SMC6: variants seen among roughly 807,000 people sequenced by gnomAD.
The protein encoded by SMC6 is structural maintenance of chromosomes 6, also known as structural maintenance of chromosomes protein 6.
A neutral mutation model predicts 142.2 loss-of-function variants in SMC6; 79 were observed. That is an observed-to-expected ratio of 0.56 (90% CI 0.46 to 0.67). The LOEUF is 0.67. Ranked by LOEUF, SMC6 falls within the 30% of genes least tolerant of loss-of-function variation. The pLI, the probability that SMC6 is intolerant of heterozygous loss-of-function variation, is 0.00. For synonymous variants in SMC6, 411 were observed against 412.4 expected (o/e 1.00, Z 0.04); for missense variants, 1,072 against 1,284.0 (o/e 0.83, Z 2.52).
intron 9 of SMC6, among the ~76,000 whole-genome samples, chr2:17,724,033 C>G (rs1339120200): frequency 6.6e-6 from 1 of 152,116 alleles, no homozygotes; most frequent in Non-Finnish European, 1.5e-5. Context: ...TACTGGTATA[C>G]TTTGTATACC....
intron 17 of SMC6, 66 bp from the exon 18 acceptor site, chr2:17,707,445 CAA>C (rs1668562129): frequency 1.0e-6 from 1 of 979,120 alleles, no homozygotes; most frequent in East Asian, 3.0e-5. Flanking sequence ...TACAGAATTT[CAA>C]AATGTTACTC....
At position 17,717,902 on chromosome 2, in the gene SMC6, G is replaced by A. The variant is rs140258949; in HGVS notation, c.1092+175C>T. ...CAGGTGGCCGAGGTGGGAGGATAGC[G>A]TGTGCCCAGGAGATAAGAGGCTACA... is the stretch of plus-strand genomic sequence containing the variant. On this transcript the variant is annotated intron_variant, in intron 12 of 27. Coordinates refer to ENST00000448223, the MANE Select transcript of SMC6 (RefSeq NM_001142286.2). Among the ~76,000 whole-genome samples the A allele has an allele frequency of 1.3e-4, 20 of 149,822 alleles. No homozygotes were observed. The East Asian group carries it at 3.4e-3, about 26-fold the overall frequency.
intron 16 of SMC6, chr2:17,713,469 G>A (rs991508848): frequency 2.1e-6 from 1 of 470,822 alleles, no homozygotes; most frequent in African/African-American, 2.0e-5. Flanking sequence ...AGAAGCACAG[G>A]CTGGGACACA....
intron 4 of SMC6, among the ~76,000 whole-genome samples, chr2:17,741,100 C>T (rs1670449054): frequency 6.6e-6 from 1 of 152,210 alleles, no homozygotes; most frequent in African/African-American, 2.4e-5. Flanking sequence ...CTCCTCCAAA[C>T]CTTAGCTAAT....
chr2:17,727,484 G>A (rs1284696724), intron 7 of SMC6, among the ~76,000 whole-genome samples: 1 of 146,998 alleles, frequency 6.8e-6, no homozygotes, highest in African/African-American at 2.5e-5. Flanking sequence ...GATCATGTGA[G>A]TTAATATTTA....
In SMC6 at chr2:17,745,957, C is replaced by G; in HGVS notation, c.-5-6G>C. On this transcript the variant is annotated splice_region_variant and splice_polypyrimidine_tract_variant and intron_variant, in intron 2 of 27. Coordinates refer to ENST00000448223, the MANE Select transcript of SMC6 (RefSeq NM_001142286.2). ...CTTTCTTTTGGCCATCAGGTCTGAA[C>G]AAATATTTATAGTAACAATGAGGTA... The G allele has an allele frequency of 6.3e-7, 1 of 1,589,164 alleles. No homozygotes were observed. The highest frequency in any genetic ancestry group is 8.6e-7 in the Non-Finnish European group (1 of 1,168,992).
chr2:17,734,477 C>G (rs1558373560), intron 5 of SMC6, among the ~76,000 whole-genome samples: 1 of 151,508 alleles, frequency 6.6e-6, no homozygotes, highest in Non-Finnish European at 1.5e-5. Flanking sequence ...GGAAGGGCGG[C>G]TGGCCTCTGA....
intron 25 of SMC6, among the ~76,000 whole-genome samples, chr2:17,676,889 G>T (rs1207509123): frequency 1.3e-5 from 2 of 152,092 alleles, no homozygotes; most frequent in Admixed American, 1.3e-4. Flanking sequence ...TTTGCATACT[G>T]ATTGTGTCTG....
intron 7 of SMC6, 30 bp from the exon 8 acceptor site, chr2:17,726,499 A>G: frequency 6.4e-7 from 1 of 1,574,052 alleles, no homozygotes; most frequent in Non-Finnish European, 8.7e-7. Context: ...ATTTTTGAAT[A>G]TTTTACTTTA....
intron 8 of SMC6, among the ~76,000 whole-genome samples, chr2:17,725,942 G>A (rs1181138718): frequency 1.3e-5 from 2 of 151,666 alleles, no homozygotes; most frequent in Non-Finnish European, 2.9e-5. Flanking sequence ...ACAAAAATTA[G>A]CTAGACATGC....
At chr2:17,723,383 A>T (rs542449369) in intron 9 of SMC6, among the ~76,000 whole-genome samples, 3 of 152,096 alleles carry the variant, frequency 2.0e-5, no homozygotes, top group Admixed American at 2.0e-4. Flanking sequence ...CTGCCCCCTA[A>T]ATTTTATAAG....
chr2:17,692,047 A>C (rs1358075284), intron 23 of SMC6, among the ~76,000 whole-genome samples: 1 of 152,212 alleles, frequency 6.6e-6, no homozygotes, highest in Non-Finnish European at 1.5e-5. Flanking sequence ...TGCTCAATGA[A>C]ATAAAAGAGG....
chr2:17,698,264 G>T (rs1489727871), intron 21 of SMC6, among the ~76,000 whole-genome samples: 9 of 151,876 alleles, frequency 5.9e-5, no homozygotes, highest in Admixed American at 1.3e-4. Context: ...CACTTTAAAT[G>T]GATAAATTTT....
chr2:17,719,244 A>T (rs775711023), intron 11 of SMC6, among the ~76,000 whole-genome samples: 1 of 152,166 alleles, frequency 6.6e-6, no homozygotes, highest in Non-Finnish European at 1.5e-5. Flanking sequence ...GGTTTTATAT[A>T]AACTAAACAT....
intron 23 of SMC6, among the ~76,000 whole-genome samples, chr2:17,687,741 A>T (rs1667525081): frequency 6.6e-6 from 1 of 152,172 alleles, no homozygotes; most frequent in South Asian, 2.1e-4. Context: ...ATTTCTACAT[A>T]TTCCCCTCAA....
chr2:17,716,566 C>G (rs936894877), intron 14 of SMC6, among the ~76,000 whole-genome samples, 175 bp downstream of exon 14: 5 of 152,162 alleles, frequency 3.3e-5, no homozygotes, highest in Non-Finnish European at 7.4e-5. Flanking sequence ...GCTGTAGGTG[C>G]ACTGCCAATG....
intron 26 of SMC6, among the ~76,000 whole-genome samples, chr2:17,668,402 A>T (rs1228425503): frequency 6.6e-6 from 1 of 152,196 alleles, no homozygotes; most frequent in Non-Finnish European, 1.5e-5. Flanking sequence ...CACACTTACT[A>T]AACGGTCATT....
chr2:17,731,101 T>C lies in SMC6; in HGVS notation c.520A>G (p.Ile174Val). 6.2e-7 allele frequency: 1 copy of C among 1,612,886 alleles called. No individual in the cohort carries two copies. Among genetic ancestry groups the C allele is most frequent in the Non-Finnish European group, 8.5e-7 (1 of 1,179,454 alleles). ...VSTRKEELIA[I>V]LDHFNIQVDN... ...ACCTGGATGTTAAAATGATCAAGAA[T>C]TGCAATCAGCTCTTCTTTCCTCGTG... The change falls in exon 7 of 28, where the codon ATT becomes GTT. Residue 174 changes from isoleucine (I) to valine (V), a missense_variant. Ile to Val is a conservative substitution (Grantham distance 29). Transcript: ENST00000448223.
intron 5 of SMC6, among the ~76,000 whole-genome samples, chr2:17,737,343 G>A (rs1344894002): frequency 6.6e-6 from 1 of 152,216 alleles, no homozygotes. Flanking sequence ...AAAGATATTA[G>A]TGTTAATTAT....
Sources: gnomAD v4.1 joint callset for allele counts (sites outside exome capture counted in the v4.1 genomes callset) on GRCh38, gnomAD v4.1.1 for gene constraint, MANE v1.5 for transcripts, NCBI Gene and HGNC (gene_info 2026-07-23, HGNC 2026-07-21) for gene names.